Variants in PRDM5 observed in about 807,000 individuals in gnomAD.
The protein encoded by PRDM5 is PR/SET domain 5.
A neutral mutation model predicts 81.2 loss-of-function variants in PRDM5; 56 were observed. The ratio of observed to expected loss-of-function variants is 0.69; its 90% CI spans 0.56 to 0.86. The LOEUF is 0.86. Ranked by LOEUF, PRDM5 falls within the 40% of genes least tolerant of loss-of-function variation. PRDM5 has a pLI of 0.00. For synonymous variants in PRDM5, 267 were observed against 256.4 expected (o/e 1.04, Z -0.39); for missense variants, 697 against 770.1 (o/e 0.91, Z 1.12).
intron 8 of PRDM5, among the ~76,000 whole-genome samples, chr4:120,807,387 T>G (rs1753144161): frequency 6.6e-6 from 1 of 152,244 alleles, no homozygotes; most frequent in Non-Finnish European, 1.5e-5. Flanking sequence ...ATATAAATCA[T>G]GCTGCTATAA....
chr4:120,706,477 T>C (rs1200786625), intron 15 of PRDM5, among the ~76,000 whole-genome samples: 1 of 151,970 alleles, frequency 6.6e-6, no homozygotes, highest in East Asian at 1.9e-4. Context: ...AGGATCATGT[T>C]GAGAGATTAA....
chr4:120,826,956 C>T (rs1756070356), intron 3 of PRDM5, among the ~76,000 whole-genome samples: 1 of 152,136 alleles, frequency 6.6e-6, no homozygotes, highest in Admixed American at 6.6e-5. Context: ...TGAATTTTTG[C>T]TTTAAATCTA....
At chr4:120,768,255 T>G (rs1746693328) in intron 13 of PRDM5, among the ~76,000 whole-genome samples, 1 of 152,178 alleles carries the variant, frequency 6.6e-6, no homozygotes, top group South Asian at 2.1e-4. Flanking sequence ...AAGAGATAAC[T>G]TAAAACAGAA....
At chr4:120,756,112 C>A (rs1263371690) in intron 13 of PRDM5, among the ~76,000 whole-genome samples, 2 of 152,118 alleles carry the variant, frequency 1.3e-5, no homozygotes, top group African/African-American at 4.8e-5. Context: ...TGTGGCTTTT[C>A]CAAGTCAGTA....
intron 3 of PRDM5, among the ~76,000 whole-genome samples, chr4:120,828,190 G>A (rs561485364): frequency 5.9e-5 from 9 of 152,114 alleles, no homozygotes; most frequent in Admixed American, 2.6e-4. Context: ...ATCTTAACTT[G>A]TCTTAGTCTA....
intron 2 of PRDM5, among the ~76,000 whole-genome samples, chr4:120,894,695 C>G (rs1340168304): frequency 1.3e-5 from 2 of 152,150 alleles, no homozygotes; most frequent in East Asian, 3.8e-4. Context: ...TGAGAATCTT[C>G]TTTCCTTTCC....
intron 14 of PRDM5, among the ~76,000 whole-genome samples, chr4:120,723,919 T>A (rs1306407706): frequency 7.7e-6 from 1 of 129,906 alleles, no homozygotes; most frequent in Non-Finnish European, 1.6e-5. Context: ...TTAAGATAGC[T>A]TGAATTTTTT....
intron 2 of PRDM5, among the ~76,000 whole-genome samples, chr4:120,867,008 G>A (rs1761255497): frequency 6.6e-6 from 1 of 152,164 alleles, no homozygotes; most frequent in African/African-American, 2.4e-5. Context: ...GGCTCACAGG[G>A]TGGCCTGAGA....
intron 2 of PRDM5, among the ~76,000 whole-genome samples, chr4:120,900,324 G>A (rs1159005983): frequency 6.6e-6 from 1 of 152,038 alleles, no homozygotes; most frequent in Non-Finnish European, 1.5e-5. Flanking sequence ...GGCTATCTAG[G>A]GGACTCCAGC....
chr4:120,911,645 G>A (rs1766522635), intron 1 of PRDM5, among the ~76,000 whole-genome samples: 1 of 152,106 alleles, frequency 6.6e-6, no homozygotes, highest in Non-Finnish European at 1.5e-5. Context: ...CAGAATTGTG[G>A]GGAAAAGCAC....
In PRDM5 at chr4:120,701,179, G is replaced by T. The variant is rs182130883; in HGVS notation, c.1729-5904C>A. On this transcript the variant is annotated intron_variant, in intron 15 of 15. Transcript: ENST00000264808. Reference sequence around the variant, plus strand: ...AAAAAGAGGTAAAAAAAAAACAACAGATGCTGGTGAGGCTGCAGAGAAAAG... The same window carrying T: ...AAAAAGAGGTAAAAAAAAAACAACATATGCTGGTGAGGCTGCAGAGAAAAG... Among the ~76,000 whole-genome samples the T allele has an allele frequency of 2.2e-3, 332 of 151,106 alleles. 1 individual carries two copies. Among genetic ancestry groups the T allele is most frequent in the Non-Finnish European group, 2.7e-3 (181 of 67,826 alleles).
intron 13 of PRDM5, among the ~76,000 whole-genome samples, chr4:120,758,902 C>T (rs994840263): frequency 3.3e-5 from 5 of 151,966 alleles, no homozygotes; most frequent in Non-Finnish European, 7.4e-5. Flanking sequence ...ACTACAGGTG[C>T]CCGCCACCAC....
At position 120,798,442 on chromosome 4, in the gene PRDM5, G is replaced by A. The variant is rs1272830893; in HGVS notation, c.1031-18C>T. ...TCGTTTTTCTATTAAAAAAATGAGT[G>A]GAGACAATCTCATATCTATATAAAG... On this transcript the variant is annotated intron_variant, in intron 9 of 15. Transcript: ENST00000264808. 1 of 1,453,392 alleles carries A rather than the reference G, an allele frequency of 6.9e-7. No individual in the cohort carries two copies. Among genetic ancestry groups the A allele is most frequent in the Admixed American group, 1.7e-5 (1 of 58,070 alleles). The allele number at this position is 1,453,392 out of a possible 1,614,324, so 90.0% of individuals were successfully genotyped here. A position where few individuals can be genotyped will look rare whatever the true frequency, so the allele number is the denominator to read the frequency against.
chr4:120,687,270 C>T (rs34592685), downstream of PRDM5, among the ~76,000 whole-genome samples: 24,068 of 151,990 alleles, frequency 0.16, 2,438 homozygotes, highest in Non-Finnish European at 0.24. Context: ...AACTGAAACC[C>T]TATACCCATT....
At chr4:120,698,474 C>A (rs1391201199) in intron 15 of PRDM5, among the ~76,000 whole-genome samples, 1 of 152,186 alleles carries the variant, frequency 6.6e-6, no homozygotes, top group Non-Finnish European at 1.5e-5. Context: ...TGGCTTTCTT[C>A]TCCATTCACT....
At chr4:120,760,385 C>CAGGT (rs1291499419) in intron 13 of PRDM5, among the ~76,000 whole-genome samples, 5 of 152,120 alleles carry the variant, frequency 3.3e-5, no homozygotes, top group Non-Finnish European at 7.3e-5. Context: ...GAACTACATA[C>CAGGT]AGGTAGTCAC....
At chr4:120,887,527 T>C (rs975280533) in intron 2 of PRDM5, among the ~76,000 whole-genome samples, 3 of 152,164 alleles carry the variant, frequency 2.0e-5, no homozygotes, top group African/African-American at 7.2e-5. Flanking sequence ...GACTTCCTTC[T>C]ACCACCAGAA....
intron 13 of PRDM5, among the ~76,000 whole-genome samples, chr4:120,760,580 A>G (rs912810671): frequency 6.6e-6 from 1 of 152,212 alleles, no homozygotes; most frequent in Non-Finnish European, 1.5e-5. Context: ...TCTTTAAATT[A>G]TGTGTTGACA....
chr4:120,846,100 A>C (rs1402236477), intron 3 of PRDM5, among the ~76,000 whole-genome samples: 3 of 152,198 alleles, frequency 2.0e-5, no homozygotes, highest in Non-Finnish European at 4.4e-5. Context: ...ATGAACAAAG[A>C]AAGTAGTTTC....
Sources: allele counts gnomAD v4.1 joint callset (sites outside exome capture counted in the v4.1 genomes callset), GRCh38; gene constraint gnomAD v4.1.1; transcripts MANE v1.5; gene names NCBI Gene and HGNC (gene_info 2026-07-23, HGNC 2026-07-21).